KLHL32: variants seen among roughly 807,000 people sequenced by gnomAD.
The protein encoded by KLHL32 is kelch like family member 32.
KLHL32 carries 35 observed loss-of-function variants against 64.8 expected under a neutral mutation model. The observed-to-expected ratio is 0.54, with a 90% CI of 0.41 to 0.72. The LOEUF is 0.72. Ranked by LOEUF, KLHL32 falls within the 30% of genes least tolerant of loss-of-function variation. The pLI, the probability that KLHL32 is intolerant of heterozygous loss-of-function variation, is 0.00. For synonymous variants in KLHL32, 259 were observed against 281.0 expected (o/e 0.92, Z 0.78); for missense variants, 589 against 768.5 (o/e 0.77, Z 2.76).
chr6:97,065,466 A>G (rs566093507), intron 5 of KLHL32, among the ~76,000 whole-genome samples: 2 of 152,204 alleles, frequency 1.3e-5, no homozygotes, highest in East Asian at 1.9e-4. Flanking sequence ...CTTGTTAGGT[A>G]GGAGTCTGTG....
intron 5 of KLHL32, among the ~76,000 whole-genome samples, chr6:97,068,549 A>G (rs1025932654): frequency 6.6e-6 from 1 of 152,206 alleles, no homozygotes; most frequent in African/African-American, 2.4e-5. Flanking sequence ...TTCACACCAC[A>G]CTGGGCAATA....
chr6:96,968,373 A>AAAAAAC (rs529408859), intron 2 of KLHL32, among the ~76,000 whole-genome samples: 3 of 151,790 alleles, frequency 2.0e-5, no homozygotes, highest in Admixed American at 6.6e-5. Flanking sequence ...AACAAAAAAC[A>AAAAAAC]AAAAACAAAA....
chr6:96,993,080 G>T (rs568720136), intron 3 of KLHL32, among the ~76,000 whole-genome samples: 3 of 152,350 alleles, frequency 2.0e-5, no homozygotes, highest in African/African-American at 7.2e-5. Context: ...AAGTGCTGGA[G>T]TTTTGGTATT....
intron 1 of KLHL32, among the ~76,000 whole-genome samples, chr6:96,961,385 G>A (rs1773862976): frequency 6.6e-6 from 1 of 151,968 alleles, no homozygotes; most frequent in African/African-American, 2.4e-5. Context: ...CTTAATTTTT[G>A]GTATCTTATG....
chr6:96,975,953 G>A (rs773049845), intron 2 of KLHL32, 44 bp from the exon 3 acceptor site: 2 of 1,472,846 alleles, frequency 1.4e-6, no homozygotes, highest in African/African-American at 2.8e-5. Flanking sequence ...GGCCCACAGG[G>A]CTGGGAAAAG....
At chr6:97,015,604 A>G (rs1781053558) in intron 3 of KLHL32, among the ~76,000 whole-genome samples, 1 of 152,230 alleles carries the variant, frequency 6.6e-6, no homozygotes, top group Admixed American at 6.5e-5. Flanking sequence ...TTAAAAGGGA[A>G]GGAGAGCATA....
chr6:97,137,515 A>T (rs746116913), intron 10 of KLHL32, among the ~76,000 whole-genome samples: 38 of 152,052 alleles, frequency 2.5e-4, no homozygotes, highest in Non-Finnish European at 5.1e-4. Flanking sequence ...TTCCTGTAAA[A>T]TAATGCGTTG....
intron 4 of KLHL32, among the ~76,000 whole-genome samples, chr6:97,057,048 C>A (rs1788057697): frequency 6.6e-6 from 1 of 151,810 alleles, no homozygotes; most frequent in South Asian, 2.1e-4. Context: ...TATTATTCAT[C>A]TTTTGGGTTT....
the KLHL32 span, among the ~76,000 whole-genome samples, chr6:96,903,538 G>A: frequency 6.6e-6 from 1 of 152,154 alleles, no homozygotes; most frequent in Non-Finnish European, 1.5e-5. Flanking sequence ...CTGCAAGGAG[G>A]CCATATGGCA....
intron 1 of KLHL32, among the ~76,000 whole-genome samples, chr6:96,944,769 A>C (rs149521523): frequency 2.2e-3 from 331 of 152,338 alleles, no homozygotes; most frequent in African/African-American, 7.6e-3. Flanking sequence ...AAATCTGTGA[A>C]GTGACAGTAA....
intron 4 of KLHL32, among the ~76,000 whole-genome samples, chr6:97,053,073 T>C (rs1397079003): frequency 6.6e-6 from 1 of 150,524 alleles, no homozygotes; most frequent in Non-Finnish European, 1.5e-5. Context: ...ATAATAGTTA[T>C]GAGGATGGAT....
At chr6:97,063,801 C>A (rs2128152849) in intron 4 of KLHL32, among the ~76,000 whole-genome samples, 1 of 152,284 alleles carries the variant, frequency 6.6e-6, no homozygotes, top group Non-Finnish European at 1.5e-5. Flanking sequence ...AAGCACTGGG[C>A]TGGGGAAATG....
intron 3 of KLHL32, among the ~76,000 whole-genome samples, chr6:97,008,428 C>T (rs1779936673): frequency 6.6e-6 from 1 of 152,120 alleles, no homozygotes; most frequent in Admixed American, 6.5e-5. Context: ...ACAAGGAAGA[C>T]CACCCTGCTG....
At chr6:97,050,144 A>G (rs1221154990) in intron 4 of KLHL32, among the ~76,000 whole-genome samples, 1 of 152,136 alleles carries the variant, frequency 6.6e-6, no homozygotes, top group Admixed American at 6.6e-5. Flanking sequence ...AACTGTGGCC[A>G]CCCTTCTAAG....
intron 4 of KLHL32, among the ~76,000 whole-genome samples, chr6:97,050,339 A>G (rs756240828): frequency 3.9e-5 from 6 of 152,184 alleles, no homozygotes; most frequent in Non-Finnish European, 8.8e-5. Context: ...ACAGGATGTG[A>G]AAAGGTTTAT....
intron 6 of KLHL32, among the ~76,000 whole-genome samples, chr6:97,106,742 C>CAA (rs113362615): frequency 5.9e-5 from 7 of 118,716 alleles, no homozygotes; most frequent in Admixed American, 8.8e-5. Flanking sequence ...GACCCTGTCT[C>CAA]AAAAAAAAAA....
chr6:96,975,880 A>C, intron 2 of KLHL32, 117 bp from the exon 3 acceptor site: 9 of 608,726 alleles, frequency 1.5e-5, no homozygotes, highest in Non-Finnish European at 2.4e-5. Context: ...AGATGGTCAC[A>C]CTCATAGAGT....
At chr6:97,106,326 A>G (rs559418747) in intron 6 of KLHL32, among the ~76,000 whole-genome samples, 2 of 152,226 alleles carry the variant, frequency 1.3e-5, no homozygotes, top group Non-Finnish European at 2.9e-5. Context: ...TATATCATAT[A>G]TTCTACTCTG....
chr6:96,943,611 C>T (rs982185187), intron 1 of KLHL32, among the ~76,000 whole-genome samples: 1 of 152,202 alleles, frequency 6.6e-6, no homozygotes, highest in African/African-American at 2.4e-5. Context: ...GTAGCAGAGC[C>T]GGGACCAGGA....
Sources: gnomAD v4.1 joint callset for allele counts (sites outside exome capture counted in the v4.1 genomes callset) on GRCh38, gnomAD v4.1.1 for gene constraint, MANE v1.5 for transcripts, NCBI Gene and HGNC (gene_info 2026-07-23, HGNC 2026-07-21) for gene names.